The following KLK10 variants were observed in gnomAD, a reference collection of about 807,000 sequenced individuals.
KLK10 encodes the protein kallikrein related peptidase 10.
In KLK10, 27 loss-of-function variants were observed where a neutral mutation model predicts 25.7. The observed-to-expected ratio is 1.05, with a 90% CI of 0.77 to 1.45. The LOEUF (loss-of-function observed/expected upper bound fraction) is 1.45. KLK10 is among the 40% of genes most tolerant of loss of function. The pLI is 0.00. For synonymous variants in KLK10, 173 were observed against 160.1 expected, an observed-to-expected ratio of 1.08 and a Z score of -0.61; for missense variants, 386 against 370.0, an observed-to-expected ratio of 1.04 and a Z score of -0.35.
Position 51,014,064 on chromosome 19 carries a change from G to GCCAAGGCAGC in KLK10, c.*735_*736insGCTGCCTTGG, listed in dbSNP as rs1555786238. 1.4e-5 allele frequency: 1 copy of GCCAAGGCAGC among 73,940 alleles called. No individual in the cohort carries two copies. Among genetic ancestry groups the GCCAAGGCAGC allele is most frequent in the Non-Finnish European group, 2.6e-5 (1 of 37,986 alleles). 4.6% of individuals were successfully genotyped at this position (73,940 alleles called of 1,614,324 possible). A position where few individuals can be genotyped will look rare whatever the true frequency, so the allele number is the denominator to read the frequency against. Reference sequence around the variant, plus strand: ...AATGACTCAGGGCCAGCCTAGCTCGGAGGAACTGGTGTTGGGTGGAACCAG... The same window carrying GCCAAGGCAGC: ...AATGACTCAGGGCCAGCCTAGCTCGGCCAAGGCAGCAGGAACTGGTGTTGGGTGGAACCAG... On this transcript the variant is annotated 3_prime_UTR_variant, in exon 6 of 6. Transcript: ENST00000358789.
chr19:51,018,990 C>T, intron 2 of KLK10, 53 bp downstream of exon 2: 2 of 1,305,190 alleles, frequency 1.5e-6, no homozygotes, highest in Non-Finnish European at 1.1e-6. Context: ...ACATTCTCCT[C>T]CCGCCCGTGC....
In KLK10 at chr19:51,017,097, G is replaced by A; in HGVS notation, c.269+13C>T. 6.3e-7 allele frequency: 1 copy of A among 1,581,600 alleles called. No individual in the cohort carries two copies. The highest frequency in any genetic ancestry group is 8.6e-7 in the Non-Finnish European group (1 of 1,163,050). On this transcript the variant is annotated intron_variant, in intron 3 of 5. Transcript: ENST00000358789. Reference sequence around the variant, plus strand: ...GCCCCCCGTGGCGTCCTCGGGGATGGATCTCCTCCTACTTGTTTCCGCAGT... The same window carrying A: ...GCCCCCCGTGGCGTCCTCGGGGATGAATCTCCTCCTACTTGTTTCCGCAGT...
chr19:51,018,990 C>G, intron 2 of KLK10, 53 bp downstream of exon 2: 1 of 1,305,194 alleles, frequency 7.7e-7, no homozygotes, highest in Non-Finnish European at 1.1e-6. Context: ...ACATTCTCCT[C>G]CCGCCCGTGC....
intron 5 of KLK10, 73 bp from the exon 6 acceptor site, chr19:51,015,025 T>C (rs2091305165): frequency 1.4e-6 from 2 of 1,428,190 alleles, no homozygotes; most frequent in Non-Finnish European, 1.9e-6. Flanking sequence ...TCTGGGGCAG[T>C]GGTGGGGAAG....
chr19:51,015,314 G>T, intron 5 of KLK10, 103 bp downstream of exon 5: 1 of 1,353,478 alleles, frequency 7.4e-7, no homozygotes, highest in Non-Finnish European at 1.0e-6. Context: ...TCAAGGATGG[G>T]TTTGGGAATG....
rs11668612 is a variant in KLK10 at position 51,014,046 on chromosome 19, C to G, written c.*754G>C. 0.25 allele frequency: 35,277 copies of G among 142,420 alleles called. 4,125 individuals carry two copies. The highest frequency in any genetic ancestry group is 0.28 in the East Asian group (1,397 of 4,938). 8.8% of individuals were successfully genotyped at this position (142,420 alleles called of 1,614,324 possible). A position where few individuals can be genotyped will look rare whatever the true frequency, so the allele number is the denominator to read the frequency against. On this transcript the variant is annotated 3_prime_UTR_variant, in exon 6 of 6. Transcript: ENST00000358789. ...GAAGGCAGAGAAGGTGCTAATGACTCAGGGCCAGCCTAGCTCGGAGGAACT... is the reference window on the plus strand; with the variant it reads ...GAAGGCAGAGAAGGTGCTAATGACTGAGGGCCAGCCTAGCTCGGAGGAACT...
intron 2 of KLK10, chr19:51,018,804 C>T (rs1026824753): frequency 8.7e-6 from 5 of 577,440 alleles, no homozygotes; most frequent in Non-Finnish European, 1.6e-5. Context: ...GAAGAGTCCA[C>T]GGAAGAGCGA....
At position 51,018,945 on chromosome 19, in the gene KLK10, G is replaced by C. The variant is rs1340216213; in HGVS notation, c.88+98C>G. On this transcript the variant is annotated intron_variant, in intron 2 of 5. Coordinates refer to ENST00000358789, the MANE Select transcript of KLK10 (RefSeq NM_145888.3). Reference sequence around the variant, plus strand: ...CGCTGGGTGGGTGCTGGGGTCTCGGGGGAGGAGAGGTGCGCGGGGCTTGGT... The same window carrying C: ...CGCTGGGTGGGTGCTGGGGTCTCGGCGGAGGAGAGGTGCGCGGGGCTTGGT... 5 of 914,764 alleles carry C rather than the reference G, an allele frequency of 5.5e-6. No homozygotes were observed. The East Asian group carries it at 1.1e-4, about 19-fold the overall frequency. 56.7% of individuals were successfully genotyped at this position (914,764 alleles called of 1,614,324 possible).
upstream of KLK10, chr19:51,020,025 T>C (rs1215299025): frequency 1.3e-5 from 2 of 151,796 alleles, no homozygotes; most frequent in Non-Finnish European, 2.9e-5. Flanking sequence ...GGTGGCAGGA[T>C]GAGAGGCCAC....
At position 51,017,241 on chromosome 19, in the gene KLK10, T is replaced by C. The variant is rs1220056920; in HGVS notation, c.138A>G (p.Glu46=). ...CGCGCGCGCACGGGGAGCCATAGGC[T>C]TCGGGGTCCAAGCGCGTGTCGTTTT... ...LPQNDTRLDP[E]AYGSPCARGS... Residue 46 remains glutamate, a synonymous_variant, in exon 3 of 6, where the codon GAA becomes GAG. Coordinates refer to ENST00000358789, the MANE Select transcript of KLK10 (RefSeq NM_145888.3). 3 of 1,612,284 alleles carry C rather than the reference T, an allele frequency of 1.9e-6. No homozygotes were observed. Among genetic ancestry groups the C allele is most frequent in the African/African-American group, 2.7e-5 (2 of 74,904 alleles).
At chr19:51,017,692 C>A (rs143548006) in intron 2 of KLK10, among the ~76,000 whole-genome samples, 1 of 151,374 alleles carries the variant, frequency 6.6e-6, no homozygotes, top group Non-Finnish European at 1.5e-5. Flanking sequence ...GGATTGAAAA[C>A]CAGGAGAGGG....
At chr19:51,016,730 G>C (rs182011437) in intron 3 of KLK10, among the ~76,000 whole-genome samples, 1 of 152,046 alleles carries the variant, frequency 6.6e-6, no homozygotes, top group East Asian at 1.9e-4. Flanking sequence ...GAGCCACCGA[G>C]CCCAGCCCAA....
chr19:51,018,979 C>T, intron 2 of KLK10, 64 bp downstream of exon 2: 1 of 1,204,906 alleles, frequency 8.3e-7, no homozygotes, highest in Non-Finnish European at 1.2e-6. Flanking sequence ...GTGACGGGAA[C>T]ACATTCTCCT....
At chr19:51,017,366 C>G in intron 2 of KLK10, 76 bp from the exon 3 acceptor site, 2 of 1,371,982 alleles carry the variant, frequency 1.5e-6, no homozygotes, top group Non-Finnish European at 9.7e-7. Context: ...GGCTGTGGCA[C>G]TGGACTGCGT....
intron 2 of KLK10, among the ~76,000 whole-genome samples, chr19:51,018,247 G>T (rs533168077): frequency 3.0e-5 from 4 of 134,982 alleles, no homozygotes; most frequent in Non-Finnish European, 6.4e-5. Context: ...AAATAAGAGA[G>T]AAAGTAAAAC....
rs368169037 is a variant in KLK10, at chr19:51,015,965, C to G, written c.461G>C (p.Arg154Pro). The G allele has an allele frequency of 1.2e-5, 19 of 1,583,216 alleles. No individual in the cohort carries two copies. The highest frequency in any genetic ancestry group is 2.7e-5 in the African/African-American group (2 of 74,634). Reference sequence around the variant, plus strand: ...ACAGCGGTAGGGAAGCTGCAGGGCCCGGACGCGGGGCCCCAGCACTACGGG... The same window carrying G: ...ACAGCGGTAGGGAAGCTGCAGGGCCGGGACGCGGGGCCCCAGCACTACGGG... ...ARPVVLGPRV[R>P]ALQLPYRCAQ... Residue 154 changes from arginine to proline, a missense_variant, in exon 4 of 6, where the codon CGG becomes CCG. Transcript: ENST00000358789.
chr19:51,014,722 AG>A lies in KLK10; in HGVS notation c.*77del, dbSNP rs1171967532. 2.0e-6 allele frequency: 3 copies of A among 1,474,884 alleles called. No individual in the cohort carries two copies. The African/African-American group carries it at 4.1e-5, about 20-fold the overall frequency. The allele number at this position is 1,474,884 out of a possible 1,614,324, so 91.4% of individuals were successfully genotyped here. The stretch of plus-strand genomic sequence containing the variant: ...AGAGTTCAGCCGACTGGGGAGGAAG[AG>A]GATGGACGATGGAGCCTCTGGGCAT... On this transcript the variant is annotated 3_prime_UTR_variant, in exon 6 of 6. Coordinates refer to ENST00000358789, the MANE Select transcript of KLK10 (RefSeq NM_145888.3).
chr19:51,016,970 G>A (rs1436644172), intron 3 of KLK10, 140 bp downstream of exon 3: 2 of 876,648 alleles, frequency 2.3e-6, no homozygotes, highest in African/African-American at 1.7e-5. Flanking sequence ...GCGCAAGCCC[G>A]GTCTCTCCTC....
chr19:51,019,300 A>C lies in KLK10; in HGVS notation c.-9-161T>G, dbSNP rs191287325. On this transcript the variant is annotated intron_variant, in intron 1 of 5. Transcript: ENST00000358789. The surrounding 1 kb of genome is among the most constrained non-coding windows in gnomAD (Gnocchi z 4.2). ...CTGGCAGACGGGAGATTCGGGCTGG[A>C]ACAGCGGTAATGGGCACAATTACCC... 3.6e-3 allele frequency among the ~76,000 whole-genome samples: 553 copies of C among 152,306 alleles called. 15 individuals carry two copies. The highest frequency in any genetic ancestry group is 0.033 in the Admixed American group (510 of 15,304).
Sources: gnomAD v4.1 joint callset for allele counts (sites outside exome capture counted in the v4.1 genomes callset) on GRCh38, gnomAD v4.1.1 for gene constraint, Gnocchi (gnomAD v3.1) non-coding constraint, MANE v1.5 for transcripts, NCBI Gene and HGNC (gene_info 2026-07-23, HGNC 2026-07-21) for gene names.